CSMD1: variants seen among roughly 807,000 people sequenced by gnomAD.
CSMD1 encodes CUB and Sushi multiple domains 1.
Under a neutral mutation model 417.5 loss-of-function variants are expected in CSMD1, and 213 were observed. That is an observed-to-expected ratio of 0.51 (90% CI 0.46 to 0.57). CSMD1 has a LOEUF of 0.57. Ranked by LOEUF, CSMD1 falls within the 20% of genes least tolerant of loss-of-function variation. CSMD1 has a pLI of 0.00. For synonymous variants in CSMD1, 2,862 were observed against 1,736.8 expected (o/e 1.65, Z -16.11); for missense variants, 6,923 against 4,529.7 (o/e 1.53, Z -15.17).
intron 1 of CSMD1, among the ~76,000 whole-genome samples, chr8:4,868,715 C>G (rs1293766171): frequency 6.6e-6 from 1 of 151,630 alleles, no homozygotes; most frequent in African/African-American, 2.4e-5. Context: ...GTATTTGATG[C>G]GGTACCAGTT....
chr8:3,690,986 G>C (rs1281969168), intron 7 of CSMD1, among the ~76,000 whole-genome samples: 1 of 152,100 alleles, frequency 6.6e-6, no homozygotes, highest in Non-Finnish European at 1.5e-5. Context: ...TGTGTGTGAG[G>C]GTGGGGAGTG....
At chr8:4,694,338 G>T (rs1291924432) in intron 1 of CSMD1, among the ~76,000 whole-genome samples, 1 of 151,904 alleles carries the variant, frequency 6.6e-6, no homozygotes, top group Admixed American at 6.6e-5. Flanking sequence ...AAAAACCAAA[G>T]TACTTCTTTT....
chr8:4,246,504 T>C (rs949145842), intron 3 of CSMD1, among the ~76,000 whole-genome samples: 1 of 152,160 alleles, frequency 6.6e-6, no homozygotes, highest in African/African-American at 2.4e-5. Context: ...TTAAAGAAAA[T>C]TGTAAGACCC....
In CSMD1 at chr8:3,364,829, A is replaced by C. The variant is rs1809446779; in HGVS notation, c.3115+2203T>G. 3.3e-5 allele frequency among the ~76,000 whole-genome samples: 5 copies of C among 152,322 alleles called. No individual in the cohort carries two copies. In the South Asian group the frequency reaches 8.3e-4, roughly 25 times the overall value. On this transcript the variant is annotated intron_variant, in intron 20 of 69. Coordinates refer to ENST00000635120, the MANE Select transcript of CSMD1 (RefSeq NM_033225.6). Reference sequence around the variant, plus strand: ...AATTTCTGTTATTTATAAATTATCTAGTCTCAGGTATGCTGTTATGGCAAG... The same window carrying C: ...AATTTCTGTTATTTATAAATTATCTCGTCTCAGGTATGCTGTTATGGCAAG...
chr8:3,032,601 C>G (rs898783419), intron 50 of CSMD1, among the ~76,000 whole-genome samples: 22 of 152,028 alleles, frequency 1.4e-4, no homozygotes, highest in Admixed American at 1.4e-3. Context: ...AACCCCCAAA[C>G]ACCTACCCCA....
chr8:4,804,457 GA>G (rs1335210679), intron 1 of CSMD1, among the ~76,000 whole-genome samples: 4 of 147,116 alleles, frequency 2.7e-5, no homozygotes, highest in Non-Finnish European at 4.5e-5. Context: ...CTTCGGTGTA[GA>G]TTTTTTTTTT....
chr8:4,247,213 C>T (rs1010022478), intron 3 of CSMD1, among the ~76,000 whole-genome samples: 1 of 152,126 alleles, frequency 6.6e-6, no homozygotes, highest in Non-Finnish European at 1.5e-5. Flanking sequence ...TAGAACAATT[C>T]CTGGAACAGC....
intron 26 of CSMD1, among the ~76,000 whole-genome samples, chr8:3,265,717 A>T (rs1176684840): frequency 6.6e-6 from 1 of 152,140 alleles, no homozygotes; most frequent in African/African-American, 2.4e-5. Context: ...TTTTTTCTCA[A>T]AGCAGGGCCC....
chr8:3,213,043 TCTCGAA>T (rs1797702440), intron 30 of CSMD1, among the ~76,000 whole-genome samples: 1 of 151,958 alleles, frequency 6.6e-6, no homozygotes, highest in South Asian at 2.1e-4. Context: ...TTAGCCATGG[TCTCGAA>T]CTCCTGACCT....
At chr8:3,086,979 A>G in intron 49 of CSMD1, 118 bp downstream of exon 49, 1 of 939,210 alleles carries the variant, frequency 1.1e-6, no homozygotes, top group South Asian at 1.6e-5. Context: ...GTTATAAGCC[A>G]ACATTCAATT....
chr8:4,182,023 C>G (rs904329508), intron 3 of CSMD1, among the ~76,000 whole-genome samples: 1 of 129,408 alleles, frequency 7.7e-6, no homozygotes, highest in African/African-American at 2.7e-5. Flanking sequence ...CTCATACACA[C>G]CCGTGTGTGT....
chr8:3,695,862 A>G (rs985841707), intron 7 of CSMD1, among the ~76,000 whole-genome samples: 4 of 152,154 alleles, frequency 2.6e-5, no homozygotes, highest in Non-Finnish European at 4.4e-5. Flanking sequence ...AATTACCATT[A>G]TATTTTTTAC....
chr8:4,961,194 G>A (rs1481057898), intron 1 of CSMD1, among the ~76,000 whole-genome samples: 1 of 152,096 alleles, frequency 6.6e-6, no homozygotes, highest in Non-Finnish European at 1.5e-5. Context: ...CTTTTAGAAT[G>A]CATAGTATTC....
intron 3 of CSMD1, among the ~76,000 whole-genome samples, chr8:4,228,276 G>T (rs1343742167): frequency 6.6e-6 from 1 of 152,172 alleles, no homozygotes; most frequent in South Asian, 2.1e-4. Flanking sequence ...CACAGGCCCT[G>T]GTGCTGCTGG....
intron 3 of CSMD1, among the ~76,000 whole-genome samples, chr8:4,078,879 T>G (rs1416527683): frequency 2.4e-5 from 3 of 122,512 alleles, no homozygotes; most frequent in African/African-American, 3.6e-5. Flanking sequence ...CTACTAAAAT[T>G]AATAATAATA....
chr8:3,489,748 G>A (rs977928285), intron 11 of CSMD1, among the ~76,000 whole-genome samples: 4 of 152,082 alleles, frequency 2.6e-5, no homozygotes, highest in African/African-American at 7.2e-5. Flanking sequence ...TTTTAAAACC[G>A]TATTTAGGGT....
intron 2 of CSMD1, among the ~76,000 whole-genome samples, chr8:4,477,073 G>A (rs113479380): frequency 6.6e-5 from 10 of 152,204 alleles, no homozygotes; most frequent in African/African-American, 2.2e-4. Flanking sequence ...CTGTGTCAGG[G>A]AGAGGGAAGA....
intron 3 of CSMD1, among the ~76,000 whole-genome samples, chr8:4,192,649 G>C (rs950746699): frequency 5.3e-4 from 81 of 152,330 alleles, no homozygotes; most frequent in African/African-American, 1.9e-3. Flanking sequence ...TCAGGGATCA[G>C]AGTGAGAAAA....
At chr8:4,241,228 T>A (rs112466417) in intron 3 of CSMD1, among the ~76,000 whole-genome samples, 1 of 152,310 alleles carries the variant, frequency 6.6e-6, no homozygotes. Context: ...CACACTAGAA[T>A]AGAATTTGAC....
Sources: gnomAD v4.1 joint callset for allele counts (sites outside exome capture counted in the v4.1 genomes callset) on GRCh38, gnomAD v4.1.1 for gene constraint, MANE v1.5 for transcripts, NCBI Gene and HGNC (gene_info 2026-07-23, HGNC 2026-07-21) for gene names.